GPC6: variants seen among roughly 807,000 people sequenced by gnomAD.
The protein encoded by GPC6 is glypican-6.
A neutral mutation model predicts 55.2 loss-of-function variants in GPC6; 14 were observed. The observed-to-expected ratio is 0.25, with a 90% CI of 0.17 to 0.40. The LOEUF is 0.40. Ranked by LOEUF, GPC6 falls within the 10% of genes least tolerant of loss-of-function variation. GPC6 has a pLI of 1.00. For missense variants in GPC6, 641 were observed against 708.5 expected (o/e 0.90, Z 1.08); for synonymous variants, 278 against 259.6 (o/e 1.07, Z -0.68).
At chr13:94,242,886 G>A (rs978918778) in intron 4 of GPC6, among the ~76,000 whole-genome samples, 1 of 151,456 alleles carries the variant, frequency 6.6e-6, no homozygotes, top group African/African-American at 2.4e-5. Context: ...AAATCCTATT[G>A]GTTTGTGTCA....
chr13:93,229,201 G>C (rs1875924990), intron 1 of GPC6, among the ~76,000 whole-genome samples: 1 of 151,536 alleles, frequency 6.6e-6, no homozygotes, highest in Non-Finnish European at 1.5e-5. Context: ...TTTGTCTACT[G>C]TTATTTCATT....
chr13:93,238,313 A>G (rs1876308892), intron 1 of GPC6, among the ~76,000 whole-genome samples: 2 of 152,004 alleles, frequency 1.3e-5, no homozygotes, highest in African/African-American at 4.8e-5. Flanking sequence ...TATACTTTAA[A>G]ATAAAAATTT....
At chr13:93,979,825 A>C (rs553921519) in intron 3 of GPC6, among the ~76,000 whole-genome samples, 1 of 152,258 alleles carries the variant, frequency 6.6e-6, no homozygotes, top group Admixed American at 6.5e-5. Flanking sequence ...TCAGAGGCCA[A>C]AATTATAGCC....
At chr13:94,348,914 C>T (rs932515782) in intron 6 of GPC6, among the ~76,000 whole-genome samples, 1 of 152,198 alleles carries the variant, frequency 6.6e-6, no homozygotes, top group African/African-American at 2.4e-5. Context: ...ACGAAACACC[C>T]TATCTTCCTC....
At chr13:94,202,299 G>A (rs956314284) in intron 4 of GPC6, among the ~76,000 whole-genome samples, 1 of 152,092 alleles carries the variant, frequency 6.6e-6, no homozygotes, top group Non-Finnish European at 1.5e-5. Flanking sequence ...GATGCTTGTG[G>A]TACTCTGTTC....
chr13:94,304,565 A>T lies in GPC6; in HGVS notation c.1009-1415A>T, dbSNP rs145754948. ...TGAAGGAAAAATATCTAGAAAAATCATCTGCTATGGAGAAATGGAAGAAAT... is the reference window on the plus strand; with the variant it reads ...TGAAGGAAAAATATCTAGAAAAATCTTCTGCTATGGAGAAATGGAAGAAAT... On this transcript the variant is annotated intron_variant, in intron 5 of 8. Coordinates refer to ENST00000377047, the MANE Select transcript of GPC6 (RefSeq NM_005708.5). Among the ~76,000 whole-genome samples the T allele has an allele frequency of 6.6e-5, 10 of 152,388 alleles. No homozygotes were observed. In the East Asian group the frequency reaches 1.2e-3, roughly 18 times the overall value.
At chr13:94,097,843 T>C (rs888160419) in intron 4 of GPC6, among the ~76,000 whole-genome samples, 1 of 152,182 alleles carries the variant, frequency 6.6e-6, no homozygotes, top group African/African-American at 2.4e-5. Context: ...TCATTTTAAT[T>C]TGGGATAATC....
At chr13:93,736,449 C>T (rs1034348327) in intron 2 of GPC6, among the ~76,000 whole-genome samples, 3 of 152,140 alleles carry the variant, frequency 2.0e-5, no homozygotes, top group Admixed American at 6.5e-5. Flanking sequence ...TGCCACTTCT[C>T]TTTAATGATA....
chr13:94,395,423 TATTC>T (rs1880853803), intron 7 of GPC6, among the ~76,000 whole-genome samples: 1 of 152,226 alleles, frequency 6.6e-6, no homozygotes, highest in Admixed American at 6.5e-5. Flanking sequence ...TGTGTTTTAT[TATTC>T]ATTATTTAGT....
chr13:94,369,360 T>C (rs777247360), intron 6 of GPC6, among the ~76,000 whole-genome samples: 4 of 152,066 alleles, frequency 2.6e-5, no homozygotes, highest in African/African-American at 4.8e-5. Context: ...AAATAAAGGG[T>C]CCAGGGTAGA....
At chr13:93,566,716 G>A (rs1484208474) in intron 2 of GPC6, among the ~76,000 whole-genome samples, 1 of 150,982 alleles carries the variant, frequency 6.6e-6, no homozygotes, top group Non-Finnish European at 1.5e-5. Flanking sequence ...CCCTCCCCTT[G>A]CCCCCTCCCC....
At position 93,597,007 on chromosome 13, in the gene GPC6, C is replaced by CAAAA. The variant is rs10709473; in HGVS notation, c.319+51606_319+51609dup. On this transcript the variant is annotated intron_variant, in intron 2 of 8. Transcript: ENST00000377047. ...AACTTATATTTTAGTTCAAATCTGG[C>CAAAA]AAAAAAAAAAAAAAAAAAAAAAAGA... Among the ~76,000 whole-genome samples, 110 of 68,008 alleles carry CAAAA rather than the reference C, an allele frequency of 1.6e-3. 2 individuals carry two copies. Among genetic ancestry groups the CAAAA allele is most frequent in the South Asian group, 2.2e-3 (3 of 1,392 alleles). 44.6% of individuals were successfully genotyped at this position (68,008 alleles called of 152,430 possible).
At chr13:93,851,751 A>G (rs762615045) in intron 3 of GPC6, among the ~76,000 whole-genome samples, 1 of 151,854 alleles carries the variant, frequency 6.6e-6, no homozygotes, top group Admixed American at 6.6e-5. Flanking sequence ...TGAATCTAGT[A>G]TATCAAATCG....
intron 2 of GPC6, among the ~76,000 whole-genome samples, chr13:93,610,962 C>T (rs1461538460): frequency 2.0e-5 from 3 of 152,002 alleles, no homozygotes; most frequent in Admixed American, 6.6e-5. Context: ...AAATTTATGA[C>T]GATTCCCATA....
Position 94,286,342 on chromosome 13 carries a change from T to A in GPC6, c.878-7T>A, listed in dbSNP as rs374744679. The A allele has an allele frequency of 6.2e-7, 1 of 1,613,620 alleles. No homozygotes were observed. Among genetic ancestry groups the A allele is most frequent in the Non-Finnish European group, 8.5e-7 (1 of 1,179,764 alleles). ...TGCAAATAAATCATGTTCCTGTATT[T>A]TAACAGATGCAATGCTCTTGGTGGC... On this transcript the variant is annotated splice_region_variant and splice_polypyrimidine_tract_variant and intron_variant, in intron 4 of 8. Coordinates refer to ENST00000377047, the MANE Select transcript of GPC6 (RefSeq NM_005708.5).
chr13:93,741,688 A>G (rs1280747772), intron 2 of GPC6, among the ~76,000 whole-genome samples: 3 of 152,178 alleles, frequency 2.0e-5, no homozygotes, highest in East Asian at 3.9e-4. Context: ...TGTTGCATAA[A>G]TAACTTTATT....
At chr13:94,271,856 C>CAAAG (rs1045018004) in intron 4 of GPC6, among the ~76,000 whole-genome samples, 2 of 152,080 alleles carry the variant, frequency 1.3e-5, no homozygotes, top group Non-Finnish European at 2.9e-5. Flanking sequence ...AAACAAGATG[C>CAAAG]AAAGGCAAAA....
chr13:94,055,946 G>T (rs1884117043), intron 4 of GPC6, among the ~76,000 whole-genome samples: 1 of 152,176 alleles, frequency 6.6e-6, no homozygotes, highest in Non-Finnish European at 1.5e-5. Context: ...GATCTTGAAG[G>T]TAGCTGTCCT....
chr13:93,546,438 CA>C, intron 2 of GPC6, among the ~76,000 whole-genome samples: 1 of 152,074 alleles, frequency 6.6e-6, no homozygotes, highest in Non-Finnish European at 1.5e-5. Flanking sequence ...AATTGGTTCT[CA>C]AAGTTACGGA....
Sources: allele counts gnomAD v4.1 joint callset (sites outside exome capture counted in the v4.1 genomes callset), GRCh38; gene constraint gnomAD v4.1.1; transcripts MANE v1.5; gene names NCBI Gene and HGNC (gene_info 2026-07-23, HGNC 2026-07-21).